Variants in DNAJC15 observed in about 807,000 individuals in gnomAD.
DNAJC15 encodes dnaJ homolog subfamily C member 15.
Under a neutral mutation model 22.4 loss-of-function variants are expected in DNAJC15, and 27 were observed. The ratio of observed to expected loss-of-function variants is 1.20; its 90% CI spans 0.89 to 1.66. The LOEUF (loss-of-function observed/expected upper bound fraction) is 1.66, where lower values mean the gene tolerates loss of function less well. DNAJC15 is among the 40% of genes most tolerant of loss of function. The probability of loss-of-function intolerance (pLI) is 0.00; values close to 1 mark genes in which losing one functional copy is unlikely to be tolerated. For synonymous variants in DNAJC15, 79 were observed against 63.2 expected (o/e 1.25, Z -1.19); for missense variants, 208 against 187.1 (o/e 1.11, Z -0.65).
intron 5 of DNAJC15, among the ~76,000 whole-genome samples, chr13:43,104,815 A>G (rs1442007637): frequency 6.6e-6 from 1 of 151,082 alleles, no homozygotes; most frequent in Non-Finnish European, 1.5e-5. Flanking sequence ...CAGCCTCTCC[A>G]GTAGTTCAGA....
At position 43,113,879 on chromosome 13, in the gene DNAJC15, A is replaced by T. The variant is rs1349464183; in HGVS notation, c.*6631A>T. The T allele has an allele frequency of 1.3e-5, 2 of 152,250 alleles. No individual in the cohort carries two copies. Among genetic ancestry groups the T allele is most frequent in the Non-Finnish European group, 2.9e-5 (2 of 68,050 alleles). The allele number at this position is 152,250 out of a possible 1,614,324, so 9.4% of individuals were successfully genotyped here. ...CAGTGCTGAAGAAAGCAGCAGGTAC[A>T]CACAGAAATGCAGCCTTTCCTGGTT... On this transcript the variant is annotated 3_prime_UTR_variant, in exon 6 of 6. Transcript: ENST00000379221.
chr13:43,049,832 TA>T (rs954973006), intron 1 of DNAJC15, among the ~76,000 whole-genome samples: 3 of 152,182 alleles, frequency 2.0e-5, no homozygotes, highest in Non-Finnish European at 2.9e-5. Flanking sequence ...TTTTAGCAAA[TA>T]AAAAAATGTT....
At chr13:43,043,115 GTTTATT>G (rs2040461172) in intron 1 of DNAJC15, among the ~76,000 whole-genome samples, 2 of 152,138 alleles carry the variant, frequency 1.3e-5, no homozygotes, top group African/African-American at 4.8e-5. Context: ...TTTTAAATTT[GTTTATT>G]TTTATTTTTT....
intron 3 of DNAJC15, among the ~76,000 whole-genome samples, chr13:43,078,027 C>T (rs1322537398): frequency 1.3e-5 from 2 of 152,316 alleles, no homozygotes; most frequent in Middle Eastern, 3.4e-3. Flanking sequence ...GGCTTCTCCT[C>T]CCACTTAAAA....
chr13:43,043,870 T>G (rs2040464805), intron 1 of DNAJC15, among the ~76,000 whole-genome samples: 1 of 152,224 alleles, frequency 6.6e-6, no homozygotes, highest in Admixed American at 6.5e-5. Context: ...TGTATTTGCT[T>G]TTGGCAATGG....
At chr13:43,033,987 T>C (rs2040415576) in intron 1 of DNAJC15, among the ~76,000 whole-genome samples, 1 of 150,310 alleles carries the variant, frequency 6.7e-6, no homozygotes, top group Admixed American at 6.6e-5. Flanking sequence ...GAGATCATGT[T>C]ATTGCGCTCC....
intron 1 of DNAJC15, among the ~76,000 whole-genome samples, chr13:43,027,376 A>G (rs1044074373): frequency 3.3e-5 from 5 of 152,138 alleles, no homozygotes; most frequent in African/African-American, 7.2e-5. Context: ...TGCATTAGCT[A>G]TTCTTCCTGA....
intron 1 of DNAJC15, among the ~76,000 whole-genome samples, chr13:43,037,548 C>G (rs1159675126): frequency 6.6e-6 from 1 of 152,118 alleles, no homozygotes; most frequent in Non-Finnish European, 1.5e-5. Flanking sequence ...TTTCTGCCTT[C>G]TGATGTTAAA....
intron 4 of DNAJC15, among the ~76,000 whole-genome samples, chr13:43,084,771 A>G (rs1268590262): frequency 6.6e-6 from 1 of 152,244 alleles, no homozygotes; most frequent in African/African-American, 2.4e-5. Flanking sequence ...TTATTTAATT[A>G]TCTACTTTAA....
intron 3 of DNAJC15, among the ~76,000 whole-genome samples, chr13:43,077,093 C>A (rs2040637126): frequency 6.6e-6 from 1 of 152,202 alleles, no homozygotes; most frequent in South Asian, 2.1e-4. Flanking sequence ...ACACTAATGA[C>A]TCTCAAATGT....
At position 43,047,572 on chromosome 13, in the gene DNAJC15, C is replaced by T. The variant is rs75129663; in HGVS notation, c.109-18114C>T. 2.2e-4 allele frequency among the ~76,000 whole-genome samples: 33 copies of T among 152,214 alleles called. No homozygotes were observed. The East Asian group carries it at 4.2e-3, about 20-fold the overall frequency. Reference sequence around the variant, plus strand: ...TTTCATAACCTTGTTTGAATCATTACGAGCATGTTAGGATACAGGTATTTG... The same window carrying T: ...TTTCATAACCTTGTTTGAATCATTATGAGCATGTTAGGATACAGGTATTTG... On this transcript the variant is annotated intron_variant, in intron 1 of 5. Transcript: ENST00000379221.
intron 5 of DNAJC15, among the ~76,000 whole-genome samples, chr13:43,101,840 G>C (rs1461871514): frequency 6.6e-6 from 1 of 152,060 alleles, no homozygotes; most frequent in Non-Finnish European, 1.5e-5. Flanking sequence ...TTGGTTGATG[G>C]GCATTTAAGC....
At chr13:43,038,445 T>C (rs1389750486) in intron 1 of DNAJC15, among the ~76,000 whole-genome samples, 1 of 152,170 alleles carries the variant, frequency 6.6e-6, no homozygotes, top group Non-Finnish European at 1.5e-5. Context: ...GTAATGCCAG[T>C]TTCATACTTA....
intron 5 of DNAJC15, among the ~76,000 whole-genome samples, chr13:43,105,567 C>T (rs551877349): frequency 3.7e-4 from 56 of 152,120 alleles, no homozygotes; most frequent in African/African-American, 1.2e-3. Flanking sequence ...CATTTTTTTC[C>T]TCTAACATTG....
At position 43,111,351 on chromosome 13, in the gene DNAJC15, A is replaced by C. The variant is rs1357821984; in HGVS notation, c.*4103A>C. The C allele has an allele frequency of 6.6e-6, 1 of 152,230 alleles. No individual in the cohort carries two copies. The highest frequency in any genetic ancestry group is 1.5e-5 in the Non-Finnish European group (1 of 68,042). 9.4% of individuals were successfully genotyped at this position (152,230 alleles called of 1,614,324 possible). A position where few individuals can be genotyped will look rare whatever the true frequency, so the allele number is the denominator to read the frequency against. On this transcript the variant is annotated 3_prime_UTR_variant, in exon 6 of 6. Transcript: ENST00000379221. ...TCTTAAACAGGAAACTTTTTCCTTC[A>C]TACTTTTTAATTAACAAGACATATA...
At chr13:43,085,344 G>C (rs2040682343) in intron 4 of DNAJC15, among the ~76,000 whole-genome samples, 1 of 129,564 alleles carries the variant, frequency 7.7e-6, no homozygotes, top group Non-Finnish European at 1.6e-5. Flanking sequence ...CTGGGCAACA[G>C]AGCAAGACTC....
chr13:43,067,732 TC>T (rs2040590538), intron 2 of DNAJC15, among the ~76,000 whole-genome samples: 1 of 152,162 alleles, frequency 6.6e-6, no homozygotes, highest in Non-Finnish European at 1.5e-5. Flanking sequence ...AGAGTAAACC[TC>T]CAGGTGTCAC....
chr13:43,111,856 C>G lies in DNAJC15; in HGVS notation c.*4608C>G, dbSNP rs1047178096. 1 of 152,208 alleles carries G rather than the reference C, an allele frequency of 6.6e-6. No homozygotes were observed. The highest frequency in any genetic ancestry group is 1.5e-5 in the Non-Finnish European group (1 of 68,036). 9.4% of individuals were successfully genotyped at this position (152,208 alleles called of 1,614,324 possible). A position where few individuals can be genotyped will look rare whatever the true frequency, so the allele number is the denominator to read the frequency against. On this transcript the variant is annotated 3_prime_UTR_variant, in exon 6 of 6. Coordinates refer to ENST00000379221, the MANE Select transcript of DNAJC15 (RefSeq NM_013238.3). Reference sequence around the variant, plus strand: ...CCCAAAGAGCAAATCCTATTAATGGCTGGATCAGTATCATCTACTTGTCAA... The same window carrying G: ...CCCAAAGAGCAAATCCTATTAATGGGTGGATCAGTATCATCTACTTGTCAA...
intron 5 of DNAJC15, among the ~76,000 whole-genome samples, chr13:43,086,942 T>G (rs1378350352): frequency 3.3e-5 from 5 of 152,310 alleles, no homozygotes; most frequent in Non-Finnish European, 5.9e-5. Context: ...AGAATGGACT[T>G]CGGAGCAAGG....
Sources: gnomAD v4.1 joint callset for allele counts (sites outside exome capture counted in the v4.1 genomes callset) on GRCh38, gnomAD v4.1.1 for gene constraint, MANE v1.5 for transcripts, NCBI Gene and HGNC (gene_info 2026-07-23, HGNC 2026-07-21) for gene names.